Variants in PAPPA observed in about 807,000 individuals in gnomAD.
The protein encoded by PAPPA is pappalysin 1, also known as pappalysin-1.
PAPPA carries 60 observed loss-of-function variants against 164.0 expected under a neutral mutation model. The ratio of observed to expected loss-of-function variants is 0.37; its 90% CI spans 0.30 to 0.45. The LOEUF is 0.45. Among genes scored for constraint, PAPPA ranks in the 20% least tolerant of loss-of-function variants. The probability of loss-of-function intolerance (pLI) is 1.00; values close to 1 mark genes in which losing one functional copy is unlikely to be tolerated. For missense variants in PAPPA, 1,782 were observed against 2,087.3 expected (o/e 0.85, Z 2.85); for synonymous variants, 875 against 814.1 (o/e 1.07, Z -1.27).
chr9:116,385,653 T>C (rs903212547), intron 21 of PAPPA, among the ~76,000 whole-genome samples: 3 of 152,324 alleles, frequency 2.0e-5, no homozygotes, highest in South Asian at 2.1e-4. Flanking sequence ...CCTCCTTGTC[T>C]ACCCACATTA....
intron 20 of PAPPA, among the ~76,000 whole-genome samples, 168 bp downstream of exon 20, chr9:116,377,815 G>A (rs1306175106): frequency 2.0e-5 from 3 of 152,314 alleles, no homozygotes; most frequent in Non-Finnish European, 1.5e-5. Context: ...TACAGATGAT[G>A]GAATTGAGGC....
chr9:116,337,275 G>C (rs1488411637), intron 13 of PAPPA, among the ~76,000 whole-genome samples: 1 of 152,192 alleles, frequency 6.6e-6, no homozygotes, highest in Non-Finnish European at 1.5e-5. Flanking sequence ...GAATCTTGAG[G>C]GCTGAGGCTG....
chr9:116,338,847 A>C (rs761976754), intron 13 of PAPPA, among the ~76,000 whole-genome samples: 1 of 152,180 alleles, frequency 6.6e-6, no homozygotes, highest in Non-Finnish European at 1.5e-5. Context: ...TGAGATTACC[A>C]AGACAACTTT....
intron 8 of PAPPA, among the ~76,000 whole-genome samples, chr9:116,268,022 A>G (rs1193593997): frequency 6.6e-6 from 1 of 151,902 alleles, no homozygotes; most frequent in Non-Finnish European, 1.5e-5. Context: ...ATTTATCTAT[A>G]TATTTCCGGA....
At chr9:116,238,875 G>A (rs2118753620) in intron 7 of PAPPA, among the ~76,000 whole-genome samples, 1 of 152,236 alleles carries the variant, frequency 6.6e-6, no homozygotes, top group African/African-American at 2.4e-5. Flanking sequence ...TTGGTAATTT[G>A]AGTCCTGAAC....
chr9:116,258,604 C>T (rs1414275706), intron 7 of PAPPA, among the ~76,000 whole-genome samples: 2 of 151,630 alleles, frequency 1.3e-5, no homozygotes, highest in South Asian at 2.1e-4. Flanking sequence ...TGAGGTGAGC[C>T]GAGATCGCAC....
Position 116,366,168 on chromosome 9 carries a change from G to A in PAPPA, c.4496-1477G>A, listed in dbSNP as rs112053864. 6.3e-3 allele frequency among the ~76,000 whole-genome samples: 961 copies of A among 152,258 alleles called. 9 individuals carry two copies. The highest frequency in any genetic ancestry group is 0.022 in the African/African-American group (918 of 41,544). ...TTCAGGCCTAGTCAGATTCTGACAGGTTGTTTCTTTGCCCACATGAATAAA... is the reference window on the plus strand; with the variant it reads ...TTCAGGCCTAGTCAGATTCTGACAGATTGTTTCTTTGCCCACATGAATAAA... On this transcript the variant is annotated intron_variant, in intron 18 of 21. Transcript: ENST00000328252.
Position 116,309,090 on chromosome 9 carries a change from T to C in PAPPA, c.3147+6140T>C, listed in dbSNP as rs550442952. ...ATATTTTCTTTCTTTTTTTCTTTTT[T>C]TTTTTGGCAAAGTCTCACTCCGTCC... is the stretch of plus-strand genomic sequence containing the variant. On this transcript the variant is annotated intron_variant, in intron 10 of 21. Transcript: ENST00000328252. Among the ~76,000 whole-genome samples the C allele has an allele frequency of 4.6e-5, 7 of 152,040 alleles. No homozygotes were observed. In the South Asian group the frequency reaches 1.0e-3, roughly 23 times the overall value.
At chr9:116,224,087 T>C (rs1013856800) in intron 5 of PAPPA, among the ~76,000 whole-genome samples, 1 of 152,152 alleles carries the variant, frequency 6.6e-6, no homozygotes, top group African/African-American at 2.4e-5. Flanking sequence ...AATGCCAACC[T>C]CTCGCCCCTG....
Position 116,257,566 on chromosome 9 carries a change from G to A in PAPPA, c.2733-8291G>A, listed in dbSNP as rs563309849. Among the ~76,000 whole-genome samples, 88 of 152,082 alleles carry A rather than the reference G, an allele frequency of 5.8e-4. 1 individual carries two copies. Among genetic ancestry groups the A allele is most frequent in the African/African-American group, 2.0e-3 (83 of 41,564 alleles). On this transcript the variant is annotated intron_variant, in intron 7 of 21. Transcript: ENST00000328252. ...AATACAAAAAAATTAGTGGGGCATG[G>A]TGGCGGGCGCCTGTAGTCCCAGCTA...
intron 5 of PAPPA, among the ~76,000 whole-genome samples, chr9:116,220,657 G>A (rs1844433112): frequency 6.6e-6 from 1 of 151,900 alleles, no homozygotes; most frequent in South Asian, 2.1e-4. Context: ...GGGAGGCCAA[G>A]GTGGGCAGAT....
chr9:116,374,191 ATGATGATGGTGGTG>A lies in PAPPA; in HGVS notation c.4606-3384_4606-3371del, dbSNP rs1846618861. On this transcript the variant is annotated intron_variant, in intron 19 of 21. Coordinates refer to ENST00000328252, the MANE Select transcript of PAPPA (RefSeq NM_002581.5). ...GGTGTTGATGATGATGATGGTGGTG[ATGATGATGGTGGTG>A]CCAATGGTGCTGATGATGATGACAG... is the stretch of plus-strand genomic sequence containing the variant. 3.9e-5 allele frequency among the ~76,000 whole-genome samples: 5 copies of A among 129,544 alleles called. No individual in the cohort carries two copies. In the East Asian group the frequency reaches 1.1e-3, roughly 29 times the overall value. 85.0% of individuals were successfully genotyped at this position (129,544 alleles called of 152,430 possible).
rs752515938 is a variant in PAPPA at position 116,344,530 on chromosome 9, C to A, written c.3612-13C>A. The A allele has an allele frequency of 3.7e-6, 6 of 1,604,686 alleles. No individual in the cohort carries two copies. Among genetic ancestry groups the A allele is most frequent in the Non-Finnish European group, 5.1e-6 (6 of 1,172,150 alleles). ...AGGAGACTCCTTCTTCCCCTCGTTT[C>A]TTTCCTCCCCAGCTGCGTGCACTTC... On this transcript the variant is annotated splice_polypyrimidine_tract_variant and intron_variant, in intron 13 of 21. Coordinates refer to ENST00000328252, the MANE Select transcript of PAPPA (RefSeq NM_002581.5).
At chr9:116,323,086 C>T (rs980089936) in intron 10 of PAPPA, among the ~76,000 whole-genome samples, 3 of 152,222 alleles carry the variant, frequency 2.0e-5, no homozygotes, top group East Asian at 1.9e-4. Flanking sequence ...CCCGCTCCCC[C>T]TCTTCTCCCT....
chr9:116,181,313 T>G (rs1324527161), intron 1 of PAPPA, among the ~76,000 whole-genome samples: 1 of 152,178 alleles, frequency 6.6e-6, no homozygotes, highest in Non-Finnish European at 1.5e-5. Flanking sequence ...CAGGTTTGTT[T>G]CTTCCAAGAC....
At chr9:116,252,124 G>A (rs1353295439) in intron 7 of PAPPA, among the ~76,000 whole-genome samples, 1 of 152,160 alleles carries the variant, frequency 6.6e-6, no homozygotes, top group East Asian at 1.9e-4. Flanking sequence ...TTAGTACCAG[G>A]GCAAATCTTT....
intron 17 of PAPPA, among the ~76,000 whole-genome samples, chr9:116,360,981 T>C (rs1846419287): frequency 3.3e-5 from 5 of 152,050 alleles, no homozygotes; most frequent in Admixed American, 3.3e-4. Flanking sequence ...ATTTGCAAGG[T>C]AGACAAGGGT....
rs199687809 is a variant in PAPPA at position 116,211,933 on chromosome 9, G to T, written c.1918+1G>T. On this transcript the variant is annotated splice_donor_variant, in intron 4 of 21. Transcript: ENST00000328252. LOFTEE classifies it high-confidence loss of function. ...TACAACAACTTCATGAGCTATGCAG[G>T]TAGGGCCCTACACTCTGTAGGGTGA... The T allele has an allele frequency of 6.2e-7, 1 of 1,613,488 alleles. No homozygotes were observed. Among genetic ancestry groups the T allele is most frequent in the African/African-American group, 1.3e-5 (1 of 74,886 alleles).
chr9:116,302,733 C>T (rs368607662), intron 9 of PAPPA, 24 bp from the exon 10 acceptor site: 10 of 1,586,440 alleles, frequency 6.3e-6, no homozygotes, highest in Middle Eastern at 1.7e-4. Context: ...TTATTCTCTC[C>T]CTTTCTATGT....
Sources: gnomAD v4.1 joint callset for allele counts (sites outside exome capture counted in the v4.1 genomes callset) on GRCh38, gnomAD v4.1.1 for gene constraint, MANE v1.5 for transcripts, NCBI Gene and HGNC (gene_info 2026-07-23, HGNC 2026-07-21) for gene names.